CCDC170: variants seen among roughly 807,000 people sequenced by gnomAD.
The protein encoded by CCDC170 is coiled-coil domain containing 170.
In CCDC170, 69 loss-of-function variants were observed where a neutral mutation model predicts 72.6. That is an observed-to-expected ratio of 0.95 (90% CI 0.78 to 1.16). The LOEUF (loss-of-function observed/expected upper bound fraction) is 1.16, where lower values mean the gene tolerates loss of function less well. Ranked by LOEUF, CCDC170 falls within the 50% of genes most tolerant of loss-of-function variation. CCDC170 has a pLI of 0.00. For missense variants in CCDC170, 852 were observed against 832.5 expected (o/e 1.02, Z -0.29); for synonymous variants, 300 against 303.9 (o/e 0.99, Z 0.13).
At chr6:151,550,922 G>A (rs144173536) in intron 5 of CCDC170, among the ~76,000 whole-genome samples, 139 of 152,306 alleles carry the variant, frequency 9.1e-4, no homozygotes, top group African/African-American at 3.0e-3. Flanking sequence ...CACATTGGGG[G>A]TTAGGACTTC....
Position 151,619,182 on chromosome 6 carries a change from T to G in CCDC170, c.*1035T>G, listed in dbSNP as rs1244589726. 2 of 152,134 alleles carry G rather than the reference T, an allele frequency of 1.3e-5. No homozygotes were observed. The highest frequency in any genetic ancestry group is 2.9e-5 in the Non-Finnish European group (2 of 68,020). 9.4% of individuals were successfully genotyped at this position (152,134 alleles called of 1,614,324 possible). ...TTCTAACTGTTGCTACCAGATTATA[T>G]CTGGTGGTAATTGTTAATGTTTCAG... is the stretch of plus-strand genomic sequence containing the variant. On this transcript the variant is annotated 3_prime_UTR_variant, in exon 11 of 11. Coordinates refer to ENST00000239374, the MANE Select transcript of CCDC170 (RefSeq NM_025059.4).
intron 1 of CCDC170, among the ~76,000 whole-genome samples, chr6:151,521,392 C>T (rs1782311993): frequency 6.6e-6 from 1 of 151,930 alleles, no homozygotes; most frequent in African/African-American, 2.4e-5. Context: ...GTTCTGAAAA[C>T]AAAATTGTGA....
chr6:151,520,325 A>C (rs185740694), intron 1 of CCDC170, among the ~76,000 whole-genome samples: 1 of 152,350 alleles, frequency 6.6e-6, no homozygotes, highest in East Asian at 1.9e-4. Context: ...ATCGGCAAAG[A>C]TGTACAGACA....
chr6:151,614,837 G>A (rs897235090), intron 9 of CCDC170, among the ~76,000 whole-genome samples: 16 of 152,088 alleles, frequency 1.1e-4, no homozygotes, highest in African/African-American at 3.9e-4. Flanking sequence ...AGCATACTGT[G>A]TGTTTTGGCT....
intron 1 of CCDC170, among the ~76,000 whole-genome samples, chr6:151,516,021 G>T (rs1449247565): frequency 6.6e-6 from 1 of 151,248 alleles, no homozygotes; most frequent in East Asian, 1.9e-4. Context: ...AGCTGAGATC[G>T]CGCCACTGCA....
chr6:151,548,856 A>T (rs1782825527), intron 5 of CCDC170, among the ~76,000 whole-genome samples: 1 of 151,658 alleles, frequency 6.6e-6, no homozygotes. Context: ...AGTAGCTGGG[A>T]CTACAGGCAC....
intron 1 of CCDC170, among the ~76,000 whole-genome samples, chr6:151,532,958 A>T (rs1191293807): frequency 6.6e-6 from 1 of 151,988 alleles, no homozygotes; most frequent in East Asian, 1.9e-4. Flanking sequence ...CCTTGCCTGC[A>T]CGGGCCAGAT....
At position 151,596,526 on chromosome 6, in the gene CCDC170, A is replaced by G. The variant is rs746519473; in HGVS notation, c.1659A>G (p.Arg553=). 3.7e-6 allele frequency: 6 copies of G among 1,614,168 alleles called. No homozygotes were observed. In the South Asian group the frequency reaches 6.6e-5, roughly 18 times the overall value. ...ERLQKELNTC[R]DLHTELKAKL... ...TGCAGAAAGAGCTGAACACGTGTCG[A>G]GACTTGCACACCGAGCTCAAAGCCA... The change falls in exon 9 of 11, where the codon CGA becomes CGG. Residue 553 remains arginine (R), a synonymous_variant. Transcript: ENST00000239374.
intron 9 of CCDC170, among the ~76,000 whole-genome samples, chr6:151,604,052 A>C (rs1412177700): frequency 6.6e-6 from 1 of 152,226 alleles, no homozygotes; most frequent in Non-Finnish European, 1.5e-5. Context: ...GAAGATCAGC[A>C]GTCAGACAAC....
At chr6:151,506,560 G>T (rs1472802415) in intron 1 of CCDC170, among the ~76,000 whole-genome samples, 1 of 152,194 alleles carries the variant, frequency 6.6e-6, no homozygotes, top group Non-Finnish European at 1.5e-5. Flanking sequence ...TTTTGACCTG[G>T]AGACAGTTTA....
chr6:151,506,035 A>C (rs1157658843), intron 1 of CCDC170, among the ~76,000 whole-genome samples: 3 of 152,188 alleles, frequency 2.0e-5, no homozygotes, highest in African/African-American at 7.2e-5. Context: ...CAGGAGTTCA[A>C]GGCTGCAGTG....
intron 5 of CCDC170, among the ~76,000 whole-genome samples, chr6:151,569,275 TTG>T (rs1776184486): frequency 6.6e-6 from 1 of 152,224 alleles, no homozygotes; most frequent in Admixed American, 6.5e-5. Context: ...CAGGAATCAA[TTG>T]TGTTTTTAAA....
intron 3 of CCDC170, among the ~76,000 whole-genome samples, chr6:151,540,935 A>G (rs946177221): frequency 6.6e-6 from 1 of 152,216 alleles, no homozygotes; most frequent in Non-Finnish European, 1.5e-5. Flanking sequence ...CTTAGCACAG[A>G]GTCCTCCAGT....
intron 4 of CCDC170, 28 bp from the exon 5 acceptor site, chr6:151,548,276 A>G (rs1430773707): frequency 1.3e-6 from 2 of 1,486,950 alleles, no homozygotes; most frequent in Non-Finnish European, 1.8e-6. Context: ...TAATTTTTAT[A>G]GGACAGCTGT....
chr6:151,514,515 G>T (rs566468278), intron 1 of CCDC170, among the ~76,000 whole-genome samples: 2 of 152,238 alleles, frequency 1.3e-5, no homozygotes, highest in East Asian at 3.9e-4. Flanking sequence ...GAAAGAGGAA[G>T]AACCCAGAAG....
chr6:151,600,542 C>T (rs967803688), intron 9 of CCDC170, among the ~76,000 whole-genome samples: 2 of 152,052 alleles, frequency 1.3e-5, no homozygotes, highest in Non-Finnish European at 2.9e-5. Context: ...CATCATGAGA[C>T]TCTTACCTTA....
intron 5 of CCDC170, among the ~76,000 whole-genome samples, chr6:151,566,370 A>G (rs758204945): frequency 7.9e-5 from 12 of 152,126 alleles, no homozygotes; most frequent in Admixed American, 1.3e-4. Flanking sequence ...TCTCCTTCCT[A>G]AACTCTGAAT....
intron 1 of CCDC170, among the ~76,000 whole-genome samples, chr6:151,528,554 T>C (rs921081595): frequency 2.0e-5 from 3 of 152,164 alleles, no homozygotes; most frequent in Admixed American, 6.6e-5. Flanking sequence ...TTTGTAAATA[T>C]AGAAGCATAG....
chr6:151,554,872 GTTT>G (rs1173500486), intron 5 of CCDC170, among the ~76,000 whole-genome samples: 3 of 102,320 alleles, frequency 2.9e-5, no homozygotes, highest in African/African-American at 7.5e-5. Flanking sequence ...TTGGACCTCA[GTTT>G]TTTTTTTTTT....
Sources: allele counts gnomAD v4.1 joint callset (sites outside exome capture counted in the v4.1 genomes callset), GRCh38; gene constraint gnomAD v4.1.1; transcripts MANE v1.5; gene names NCBI Gene and HGNC (gene_info 2026-07-23, HGNC 2026-07-21).